Variants in RNF38 observed in about 807,000 individuals in gnomAD.
RNF38 encodes ring finger protein 38.
RNF38 carries 15 observed loss-of-function variants against 67.2 expected under a neutral mutation model. That is an observed-to-expected ratio of 0.22 (90% CI 0.15 to 0.34). The LOEUF is 0.34. RNF38 is among the 10% of genes least tolerant of loss of function. The pLI is 1.00. For synonymous variants in RNF38, 220 were observed against 218.8 expected, an observed-to-expected ratio of 1.01 and a Z score of -0.05; for missense variants, 524 against 639.9, an observed-to-expected ratio of 0.82 and a Z score of 1.95.
intron 1 of RNF38, among the ~76,000 whole-genome samples, chr9:36,464,182 C>CAAAA (rs1357764638): frequency 6.7e-6 from 1 of 149,884 alleles, no homozygotes; most frequent in East Asian, 1.9e-4. Context: ...AACAAACAAA[C>CAAAA]AAAAAACCAC....
chr9:36,346,656 G>A (rs1251307971), intron 9 of RNF38, among the ~76,000 whole-genome samples: 1 of 151,038 alleles, frequency 6.6e-6, no homozygotes, highest in African/African-American at 2.4e-5. Flanking sequence ...ACAGATGAGA[G>A]AAACAGAAAT....
intron 1 of RNF38, among the ~76,000 whole-genome samples, chr9:36,483,900 A>G (rs1461086236): frequency 1.3e-5 from 2 of 152,206 alleles, no homozygotes; most frequent in Non-Finnish European, 2.9e-5. Context: ...CCCCTTAGCT[A>G]ACTCCATGAA....
intron 1 of RNF38, among the ~76,000 whole-genome samples, chr9:36,454,248 G>A (rs773566067): frequency 6.6e-6 from 1 of 151,092 alleles, no homozygotes; most frequent in Non-Finnish European, 1.5e-5. Context: ...CTCAGCCTCT[G>A]TTGTAACTGG....
chr9:36,388,832 A>C (rs903654554), intron 2 of RNF38, among the ~76,000 whole-genome samples: 1 of 152,224 alleles, frequency 6.6e-6, no homozygotes, highest in Non-Finnish European at 1.5e-5. Flanking sequence ...GAGAAAGCCA[A>C]TAAGAAAGCA....
chr9:36,354,768 C>T (rs1443179544), intron 6 of RNF38, among the ~76,000 whole-genome samples: 1 of 152,216 alleles, frequency 6.6e-6, no homozygotes, highest in Non-Finnish European at 1.5e-5. Context: ...CAACTGAATT[C>T]TCTTAGGCAC....
intron 1 of RNF38, among the ~76,000 whole-genome samples, chr9:36,463,149 T>G (rs1260927513): frequency 1.3e-5 from 2 of 152,150 alleles, no homozygotes; most frequent in Admixed American, 1.3e-4. Flanking sequence ...TTATCATCCT[T>G]ATGGCATATT....
chr9:36,409,392 T>C (rs10814385), intron 2 of RNF38, among the ~76,000 whole-genome samples: 90,853 of 151,976 alleles, frequency 0.6, 27,530 homozygotes, highest in Non-Finnish European at 0.65. Context: ...GCACAGCCAA[T>C]TAGCTACTTT....
chr9:36,387,796 T>C (rs904924372), intron 2 of RNF38, among the ~76,000 whole-genome samples: 1 of 152,016 alleles, frequency 6.6e-6, no homozygotes, highest in Non-Finnish European at 1.5e-5. Flanking sequence ...CACAGAAACA[T>C]TAAAATACCA....
chr9:36,366,272 T>TA (rs1487358936), intron 4 of RNF38, among the ~76,000 whole-genome samples: 1 of 152,204 alleles, frequency 6.6e-6, no homozygotes, highest in Non-Finnish European at 1.5e-5. Flanking sequence ...GAAAGTTATT[T>TA]AAAATCAAAC....
chr9:36,357,957 A>C lies in RNF38; in HGVS notation c.571-15T>G. 1.2e-6 allele frequency: 2 copies of C among 1,601,994 alleles called. No homozygotes were observed. The highest frequency in any genetic ancestry group is 2.2e-5 in the South Asian group (2 of 90,110). The stretch of plus-strand genomic sequence containing the variant: ...CCTTGATGGAGCTTTAAAGGAAAAA[A>C]CAAATGAACAAACTTTAGCTGTTTA... On this transcript the variant is annotated splice_polypyrimidine_tract_variant and intron_variant, in intron 4 of 11. Coordinates refer to ENST00000259605, the MANE Select transcript of RNF38 (RefSeq NM_022781.5).
chr9:36,346,815 G>C (rs918667948), intron 9 of RNF38, among the ~76,000 whole-genome samples: 1 of 152,046 alleles, frequency 6.6e-6, no homozygotes, highest in Non-Finnish European at 1.5e-5. Context: ...TCTAAATGCT[G>C]GAATAGAAAG....
intron 1 of RNF38, among the ~76,000 whole-genome samples, chr9:36,480,368 T>C (rs766623298): frequency 3.3e-5 from 5 of 152,092 alleles, no homozygotes; most frequent in Non-Finnish European, 5.9e-5. Flanking sequence ...TTTTTAGTTC[T>C]CTGACAATAA....
chr9:36,362,760 A>C (rs2133670964), intron 4 of RNF38, among the ~76,000 whole-genome samples: 1 of 151,972 alleles, frequency 6.6e-6, no homozygotes. Context: ...CAGCCTTCCG[A>C]GTAGCTGGGA....
At chr9:36,477,247 T>C (rs1426368698) in intron 1 of RNF38, among the ~76,000 whole-genome samples, 4 of 149,842 alleles carry the variant, frequency 2.7e-5, no homozygotes, top group Non-Finnish European at 5.9e-5. Context: ...TGCTTGAACC[T>C]GGGAGGCAGA....
At position 36,400,142 on chromosome 9, in the gene RNF38, A is replaced by G. The variant is rs778919249; in HGVS notation, c.-34T>C. 3.1e-6 allele frequency: 5 copies of G among 1,610,718 alleles called. No individual in the cohort carries two copies. The highest frequency in any genetic ancestry group is 1.7e-5 in the Admixed American group (1 of 59,500). On this transcript the variant is annotated 5_prime_UTR_variant, in exon 1 of 12. Coordinates refer to ENST00000259605, the MANE Select transcript of RNF38 (RefSeq NM_022781.5). ...AAACAAAAACTTTATTTCTTTTTGG[A>G]CCTCAATAACCTGAAACACTCCCGT...
chr9:36,408,283 T>C (rs906825271), intron 2 of RNF38, among the ~76,000 whole-genome samples: 5 of 151,314 alleles, frequency 3.3e-5, no homozygotes, highest in African/African-American at 1.2e-4. Context: ...TTTTTTTTTT[T>C]TGTAGAGACT....
Position 36,386,170 on chromosome 9 carries a change from C to T in RNF38, c.162+4297G>A, listed in dbSNP as rs143114724. Reference sequence around the variant, plus strand: ...CGGTCTGAAACCAGAATTACTTTTGCACCAACCTAATACCAACACAGAGGT... The same window carrying T: ...CGGTCTGAAACCAGAATTACTTTTGTACCAACCTAATACCAACACAGAGGT... On this transcript the variant is annotated intron_variant, in intron 2 of 11. Transcript: ENST00000259605. Among the ~76,000 whole-genome samples, 425 of 152,318 alleles carry T rather than the reference C, an allele frequency of 2.8e-3. 2 individuals carry two copies. Among genetic ancestry groups the T allele is most frequent in the African/African-American group, 8.8e-3 (365 of 41,574 alleles).
intron 1 of RNF38, among the ~76,000 whole-genome samples, chr9:36,435,174 C>T (rs922205230): frequency 2.0e-5 from 3 of 152,124 alleles, no homozygotes; most frequent in African/African-American, 7.2e-5. Context: ...GGGAGAACAA[C>T]GAAGCAGGAC....
upstream of RNF38, among the ~76,000 whole-genome samples, chr9:36,404,676 T>C (rs1838136711): frequency 6.6e-6 from 1 of 152,256 alleles, no homozygotes. Flanking sequence ...AATTCAATTA[T>C]TAATTCTAAT....
Sources: gnomAD v4.1 joint callset for allele counts (sites outside exome capture counted in the v4.1 genomes callset) on GRCh38, gnomAD v4.1.1 for gene constraint, MANE v1.5 for transcripts, NCBI Gene and HGNC (gene_info 2026-07-23, HGNC 2026-07-21) for gene names.